MVB12B: variants seen among roughly 807,000 people sequenced by gnomAD.
The protein encoded by MVB12B is multivesicular body subunit 12B, also known as ESCRT-I complex subunit MVB12B.
In MVB12B, 16 loss-of-function variants were observed where a neutral mutation model predicts 41.6. The observed-to-expected ratio is 0.38, with a 90% CI of 0.26 to 0.58. MVB12B has a LOEUF of 0.58. MVB12B is among the 20% of genes least tolerant of loss of function. The pLI is 0.62. For synonymous variants in MVB12B, 133 were observed against 139.7 expected (o/e 0.95, Z 0.34); for missense variants, 274 against 380.2 (o/e 0.72, Z 2.32).
chr9:126,458,708 T>C (rs866670797), intron 7 of MVB12B, among the ~76,000 whole-genome samples: 2 of 152,182 alleles, frequency 1.3e-5, no homozygotes, highest in African/African-American at 2.4e-5. Context: ...AATGTGTCCT[T>C]CTTATACTTT....
At chr9:126,494,982 A>T (rs1206040567) in intron 9 of MVB12B, among the ~76,000 whole-genome samples, 1 of 151,818 alleles carries the variant, frequency 6.6e-6, no homozygotes, top group Non-Finnish European at 1.5e-5. Context: ...ACTGGAGCCC[A>T]TGAGTTTGAG....
chr9:126,453,863 T>C lies in MVB12B; in HGVS notation c.758-27506T>C, dbSNP rs142491464. Reference sequence around the variant, plus strand: ...CAGGTGGCCTCCCCTCCTCTCTGGATCATCAAGGATACCATCCAGATTACC... The same window carrying C: ...CAGGTGGCCTCCCCTCCTCTCTGGACCATCAAGGATACCATCCAGATTACC... On this transcript the variant is annotated intron_variant, in intron 7 of 9. Coordinates refer to ENST00000361171, the MANE Select transcript of MVB12B (RefSeq NM_033446.3). Among the ~76,000 whole-genome samples, 93 of 152,276 alleles carry C rather than the reference T, an allele frequency of 6.1e-4. 1 individual carries two copies. Among genetic ancestry groups the C allele is most frequent in the African/African-American group, 2.2e-3 (90 of 41,548 alleles).
chr9:126,427,522 G>C (rs1832215949), intron 7 of MVB12B, among the ~76,000 whole-genome samples: 1 of 152,126 alleles, frequency 6.6e-6, no homozygotes, highest in Admixed American at 6.5e-5. Flanking sequence ...CTGTGGGATG[G>C]GAAATGATAC....
At chr9:126,361,017 A>G (rs915605778) in intron 2 of MVB12B, among the ~76,000 whole-genome samples, 9 of 152,086 alleles carry the variant, frequency 5.9e-5, no homozygotes, top group Admixed American at 1.3e-4. Context: ...TAGTCTGACA[A>G]TTTCTTCCAT....
chr9:126,470,761 T>C (rs1833298348), intron 7 of MVB12B, among the ~76,000 whole-genome samples: 1 of 151,926 alleles, frequency 6.6e-6, no homozygotes, highest in Non-Finnish European at 1.5e-5. Context: ...GCCCAATGAG[T>C]GACTCCTTAG....
chr9:126,410,193 A>G (rs1050980695), intron 6 of MVB12B, among the ~76,000 whole-genome samples: 4 of 150,462 alleles, frequency 2.7e-5, no homozygotes, highest in African/African-American at 7.3e-5. Context: ...ACGCGCATGC[A>G]TGCATGTGTG....
rs574819687 is a variant in MVB12B, at chr9:126,386,738, A to T, written c.409+80A>T. On this transcript the variant is annotated intron_variant, in intron 4 of 9. Transcript: ENST00000361171. The surrounding 1 kb of genome is among the most constrained non-coding windows in gnomAD (Gnocchi z 4.3). The stretch of plus-strand genomic sequence containing the variant: ...TATTTGTAGGTGTTTTTCTATGTGC[A>T]TTTTTCTTCAGAAACACTTTTGGAG... 7 of 1,061,246 alleles carry T rather than the reference A, an allele frequency of 6.6e-6. No individual in the cohort carries two copies. In the Admixed American group the frequency reaches 1.3e-4, roughly 20 times the overall value. 65.7% of individuals were successfully genotyped at this position (1,061,246 alleles called of 1,614,324 possible).
At chr9:126,342,735 C>T (rs1454080587) in intron 2 of MVB12B, among the ~76,000 whole-genome samples, 1 of 152,084 alleles carries the variant, frequency 6.6e-6, no homozygotes, top group Non-Finnish European at 1.5e-5. Context: ...GAGGTCTGGC[C>T]CCAAGTTCAA....
intron 1 of MVB12B, among the ~76,000 whole-genome samples, chr9:126,338,751 A>G (rs544875963): frequency 6.6e-5 from 10 of 152,314 alleles, no homozygotes; most frequent in African/African-American, 2.4e-4. Flanking sequence ...CATGTTACCA[A>G]TACTACGGGA....
chr9:126,393,262 T>A (rs1227040412), intron 5 of MVB12B, among the ~76,000 whole-genome samples: 2 of 152,198 alleles, frequency 1.3e-5, no homozygotes, highest in Non-Finnish European at 2.9e-5. Context: ...CTGGCATGCC[T>A]GGAAGCGGAA....
At position 126,459,541 on chromosome 9, in the gene MVB12B, C is replaced by T. The variant is rs1833047741; in HGVS notation, c.758-21828C>T. ...CAGCAGCACGCGGGCACGCAGCCCA[C>T]AGCAGCATTTCTCATGGTGCCATTG... On this transcript the variant is annotated intron_variant, in intron 7 of 9. Coordinates refer to ENST00000361171, the MANE Select transcript of MVB12B (RefSeq NM_033446.3). The surrounding 1 kb of genome is among the most constrained non-coding windows in gnomAD (Gnocchi z 4.3). Among the ~76,000 whole-genome samples, 6 of 152,214 alleles carry T rather than the reference C, an allele frequency of 3.9e-5. 1 individual carries two copies. In the South Asian group the frequency reaches 1.2e-3, roughly 32 times the overall value.
intron 2 of MVB12B, among the ~76,000 whole-genome samples, chr9:126,347,693 A>G (rs1319277197): frequency 6.6e-6 from 1 of 152,266 alleles, no homozygotes; most frequent in Non-Finnish European, 1.5e-5. Flanking sequence ...TACAAGTTCA[A>G]ACAAGCTTGC....
chr9:126,412,037 T>C (rs185331006), intron 6 of MVB12B, among the ~76,000 whole-genome samples: 2 of 152,234 alleles, frequency 1.3e-5, no homozygotes, highest in Non-Finnish European at 1.5e-5. Flanking sequence ...CTTTAAGAAA[T>C]AAGGTTCCCC....
At chr9:126,383,853 A>G (rs568828247) in intron 3 of MVB12B, among the ~76,000 whole-genome samples, 33 of 151,786 alleles carry the variant, frequency 2.2e-4, no homozygotes, top group Admixed American at 1.9e-3. Flanking sequence ...GGGTTTTTTG[A>G]TGCTTTGTTT....
intron 7 of MVB12B, among the ~76,000 whole-genome samples, chr9:126,479,113 T>TGTGGGCAGA (rs374907338): frequency 6.6e-6 from 1 of 151,940 alleles, no homozygotes; most frequent in Admixed American, 6.6e-5. Flanking sequence ...GTGAGGACCA[T>TGTGGGCAGA]GACAGGTGAA....
At chr9:126,366,377 A>G (rs1399594789) in intron 2 of MVB12B, among the ~76,000 whole-genome samples, 1 of 152,060 alleles carries the variant, frequency 6.6e-6, no homozygotes, top group Non-Finnish European at 1.5e-5. Context: ...ATGCAGAACT[A>G]GTACATGTTC....
chr9:126,469,270 T>G (rs1216968953), intron 7 of MVB12B, among the ~76,000 whole-genome samples: 2 of 152,200 alleles, frequency 1.3e-5, no homozygotes, highest in African/African-American at 4.8e-5. Flanking sequence ...CCAGGCACTG[T>G]GTACAGACCA....
rs146615891 is a variant in MVB12B, at chr9:126,446,121, C to CCA, written c.757+24174_757+24175dup. Among the ~76,000 whole-genome samples, 20 of 151,994 alleles carry CCA rather than the reference C, an allele frequency of 1.3e-4. No individual in the cohort carries two copies. In the East Asian group the frequency reaches 3.1e-3, roughly 23 times the overall value. ...AGAGGGCTTGATTGTATTAAAGGAC[C>CCA]CATTCTCTATTCCTATTTTCCAAAG... On this transcript the variant is annotated intron_variant, in intron 7 of 9. Transcript: ENST00000361171.
At chr9:126,352,926 G>T (rs758127706) in intron 2 of MVB12B, among the ~76,000 whole-genome samples, 4 of 152,170 alleles carry the variant, frequency 2.6e-5, no homozygotes, top group Non-Finnish European at 5.9e-5. Flanking sequence ...ATACTTGCTA[G>T]TTACTCCTTA....
Sources: gnomAD v4.1 joint callset for allele counts (sites outside exome capture counted in the v4.1 genomes callset) on GRCh38, gnomAD v4.1.1 for gene constraint, Gnocchi (gnomAD v3.1) non-coding constraint, MANE v1.5 for transcripts, NCBI Gene and HGNC (gene_info 2026-07-23, HGNC 2026-07-21) for gene names.